Variants in OSBP observed in about 807,000 individuals in gnomAD.
OSBP encodes the protein oxysterol-binding protein 1.
Under a neutral mutation model 96.6 loss-of-function variants are expected in OSBP, and 32 were observed. The ratio of observed to expected loss-of-function variants is 0.33; its 90% confidence interval spans 0.25 to 0.45. The LOEUF is 0.45. Among genes scored for constraint, OSBP ranks in the 20% least tolerant of loss-of-function variants. OSBP has a pLI of 1.00. For missense variants in OSBP, 653 were observed against 1,029.7 expected (o/e 0.63, Z 5.01); for synonymous variants, 369 against 389.6 (o/e 0.95, Z 0.62).
intron 3 of OSBP, among the ~76,000 whole-genome samples, chr11:59,603,895 C>T (rs1315028272): frequency 6.6e-6 from 1 of 152,144 alleles, no homozygotes; most frequent in Non-Finnish European, 1.5e-5. Flanking sequence ...CCCAGTTGTC[C>T]AAGCCAGAAA....
chr11:59,583,636 T>G (rs1056836246), intron 9 of OSBP, among the ~76,000 whole-genome samples: 13 of 116,338 alleles, frequency 1.1e-4, no homozygotes, highest in Admixed American at 1.7e-4. Context: ...AAATCTCTGT[T>G]TTTTTTTTTT....
Position 59,576,922 on chromosome 11 carries a change from T to C in OSBP, c.2164A>G (p.Arg722Gly). 1 of 1,614,228 alleles carries C rather than the reference T, an allele frequency of 6.2e-7. No individual in the cohort carries two copies. The highest frequency in any genetic ancestry group is 8.5e-7 in the Non-Finnish European group (1 of 1,180,044). Residue 722 changes from arginine to glycine, a missense_variant, in exon 13 of 14, where the codon AGA becomes GGA. Physicochemically the swap from Arg to Gly is moderately radical, Grantham distance 125. Around this residue, in one of 6 missense-constraint regions of OSBP, gnomAD observed 169 missense variants for 251.5 expected, o/e 0.67. Transcript: ENST00000263847. ...TCCCAGCGTCCATTTTCCATCAGTC[T>C]CTGGTCAGGTCGTAACCGGCTGTCT... ...PTDSRLRPDQRLMENGRWDEA... is the reference protein window; with the variant it reads ...PTDSRLRPDQGLMENGRWDEA...
chr11:59,601,206 TA>T, intron 5 of OSBP, 76 bp downstream of exon 5: 1 of 859,192 alleles, frequency 1.2e-6, no homozygotes, highest in Non-Finnish European at 1.9e-6. Context: ...TTTTGATGGT[TA>T]AAATATGATG....
intron 10 of OSBP, 46 bp downstream of exon 10, chr11:59,581,405 A>T (rs745995118): frequency 9.4e-7 from 1 of 1,064,838 alleles, no homozygotes; most frequent in Non-Finnish European, 1.4e-6. Flanking sequence ...ATACCTAAAG[A>T]AGTATTCTTT....
intron 9 of OSBP, among the ~76,000 whole-genome samples, chr11:59,589,924 A>G (rs1420165930): frequency 1.3e-5 from 2 of 152,138 alleles, no homozygotes; most frequent in Admixed American, 6.5e-5. Flanking sequence ...AGGAGGTTGC[A>G]GTGAGCCGAG....
intron 11 of OSBP, among the ~76,000 whole-genome samples, chr11:59,579,770 G>A (rs510249): frequency 0.17 from 25,872 of 150,728 alleles, 4,050 homozygotes; most frequent in African/African-American, 0.41. Context: ...CCCAGGCTGG[G>A]GTGCAATGGT....
chr11:59,589,754 G>T (rs1860554089), intron 9 of OSBP, among the ~76,000 whole-genome samples: 1 of 151,898 alleles, frequency 6.6e-6, no homozygotes, highest in Admixed American at 6.6e-5. Context: ...GGAGGCCAAG[G>T]TGGGCGGATC....
At position 59,578,287 on chromosome 11, in the gene OSBP, G is replaced by A; in HGVS notation, c.1922C>T (p.Ala641Val). Reference protein sequence around the residue: ...VTDPSGKVHFALLGTWDEKME... With the variant: ...VTDPSGKVHFVLLGTWDEKME... The stretch of plus-strand genomic sequence containing the variant: ...TTTCTCATCCCACGTCCCCAGAAGA[G>A]CAAAGTGGACTTTTCCTGATGGATC... The change falls in exon 12 of 14, where the codon GCT becomes GTT. Residue 641 changes from alanine (A) to valine (V), a missense_variant. Around this residue, in one of 6 missense-constraint regions of OSBP, gnomAD observed 169 missense variants for 251.5 expected, o/e 0.67. Transcript: ENST00000263847. The A allele has an allele frequency of 6.2e-7, 1 of 1,614,208 alleles. No homozygotes were observed. Among genetic ancestry groups the A allele is most frequent in the African/African-American group, 1.3e-5 (1 of 75,048 alleles).
intron 9 of OSBP, among the ~76,000 whole-genome samples, chr11:59,588,722 G>C (rs913023114): frequency 4.0e-5 from 6 of 151,618 alleles, no homozygotes; most frequent in African/African-American, 1.5e-4. Context: ...TAAAAAATTG[G>C]AGGCTGGGCG....
chr11:59,612,825 C>G (rs2134711645), intron 1 of OSBP, among the ~76,000 whole-genome samples: 1 of 152,194 alleles, frequency 6.6e-6, no homozygotes. Flanking sequence ...TGGCCTGTCA[C>G]AATGTTTCTG....
At position 59,615,687 on chromosome 11, in the gene OSBP, C is replaced by G. The variant is rs964412089; in HGVS notation, c.-23G>C. ...CATGAGCCGCCGCCGCCTGGAGATA[C>G]AAGACCGGAACCGCCTACGAGAGCC... On this transcript the variant is annotated 5_prime_UTR_variant, in exon 1 of 14. Transcript: ENST00000263847. 3.9e-6 allele frequency: 5 copies of G among 1,297,418 alleles called. No homozygotes were observed. The highest frequency in any genetic ancestry group is 2.3e-5 in the South Asian group (1 of 43,866). 80.4% of individuals were successfully genotyped at this position (1,297,418 alleles called of 1,614,324 possible). A position where few individuals can be genotyped will look rare whatever the true frequency, so the allele number is the denominator to read the frequency against.
Position 59,576,951 on chromosome 11 carries a change from G to A in OSBP, c.2135C>T (p.Pro712Leu). The A allele has an allele frequency of 1.2e-6, 2 of 1,614,186 alleles. No homozygotes were observed. Among genetic ancestry groups the A allele is most frequent in the Non-Finnish European group, 1.7e-6 (2 of 1,180,048 alleles). ...GTCAGGTCGTAACCGGCTGTCTGTG[G>A]GGGCAGTGCCACTTTCCCAAGCATT... ...TLNAWESGTAPTDSRLRPDQR... is the reference protein window; with the variant it reads ...TLNAWESGTALTDSRLRPDQR... The change falls in exon 13 of 14, where the codon CCC becomes CTC. Residue 712 changes from proline (P) to leucine (L), a missense_variant. Coordinates refer to ENST00000263847, the MANE Select transcript of OSBP (RefSeq NM_002556.3).
At chr11:59,603,227 C>A (rs1351396870) in intron 3 of OSBP, among the ~76,000 whole-genome samples, 1 of 152,180 alleles carries the variant, frequency 6.6e-6, no homozygotes, top group African/African-American at 2.4e-5. Context: ...ATATAGATCT[C>A]CAGCTCCTAA....
chr11:59,577,210 C>T (rs1258917391), intron 12 of OSBP, among the ~76,000 whole-genome samples, 185 bp from the exon 13 acceptor site: 1 of 152,206 alleles, frequency 6.6e-6, no homozygotes, highest in African/African-American at 2.4e-5. Context: ...GATCCCTCCC[C>T]ATCCGCTCCC....
At chr11:59,590,335 G>T (rs978478995) in intron 9 of OSBP, among the ~76,000 whole-genome samples, 2 of 152,196 alleles carry the variant, frequency 1.3e-5, no homozygotes, top group African/African-American at 2.4e-5. Flanking sequence ...CACTGTAATT[G>T]TAACTGATGG....
At position 59,611,709 on chromosome 11, in the gene OSBP, A is replaced by C. The variant is rs1464881899; in HGVS notation, c.363-1120T>G. On this transcript the variant is annotated intron_variant, in intron 1 of 13. Transcript: ENST00000263847. Reference sequence around the variant, plus strand: ...GGTGGGAACTCCTAAGCCGTCTATTAATAGCTAGGAAAGATTCAGCAGATC... The same window carrying C: ...GGTGGGAACTCCTAAGCCGTCTATTCATAGCTAGGAAAGATTCAGCAGATC... Among the ~76,000 whole-genome samples the C allele has an allele frequency of 3.3e-5, 5 of 152,290 alleles. No homozygotes were observed. In the East Asian group the frequency reaches 9.6e-4, roughly 29 times the overall value.
At chr11:59,592,104 A>G (rs1248275860) in intron 9 of OSBP, among the ~76,000 whole-genome samples, 1 of 152,202 alleles carries the variant, frequency 6.6e-6, no homozygotes, top group Non-Finnish European at 1.5e-5. Context: ...CTGACACCCA[A>G]ATTCTGCAAA....
intron 2 of OSBP, among the ~76,000 whole-genome samples, chr11:59,609,482 C>T (rs1269063618): frequency 7.7e-6 from 1 of 129,152 alleles, no homozygotes; most frequent in Non-Finnish European, 1.7e-5. Flanking sequence ...GCACTAAAAG[C>T]AAGAAAAAAA....
intron 9 of OSBP, among the ~76,000 whole-genome samples, chr11:59,591,228 A>T (rs1860575933): frequency 6.6e-6 from 1 of 152,222 alleles, no homozygotes; most frequent in Non-Finnish European, 1.5e-5. Context: ...ACAAATTACT[A>T]AAAATTAGAA....
Sources: allele counts gnomAD v4.1 joint callset (sites outside exome capture counted in the v4.1 genomes callset), GRCh38; gene constraint gnomAD v4.1.1; regional missense constraint gnomAD v4.1.1; transcripts MANE v1.5; gene names NCBI Gene and HGNC (gene_info 2026-07-23, HGNC 2026-07-21).